VTA1: variants seen among roughly 807,000 people sequenced by gnomAD.
VTA1 encodes vesicle trafficking 1.
VTA1 carries 24 observed loss-of-function variants against 36.9 expected under a neutral mutation model. The observed-to-expected ratio is 0.65, with a 90% CI of 0.47 to 0.91. The LOEUF is 0.91. VTA1 is among the 40% of genes least tolerant of loss of function. The pLI is 0.00. For synonymous variants in VTA1, 142 were observed against 130.2 expected, an observed-to-expected ratio of 1.09 and a Z score of -0.62; for missense variants, 393 against 377.2, an observed-to-expected ratio of 1.04 and a Z score of -0.35.
chr6:142,199,748 A>G (rs1775643012), intron 6 of VTA1, among the ~76,000 whole-genome samples: 1 of 152,118 alleles, frequency 6.6e-6, no homozygotes, highest in Admixed American at 6.5e-5. Flanking sequence ...TGAAATGATA[A>G]TTTTAGCACT....
intron 1 of VTA1, among the ~76,000 whole-genome samples, chr6:142,152,792 A>C (rs1040823455): frequency 1.8e-4 from 28 of 152,138 alleles, no homozygotes; most frequent in African/African-American, 6.3e-4. Flanking sequence ...ATAATCTTAG[A>C]GCATATAATA....
Position 142,220,321 on chromosome 6 carries a change from T to C in VTA1, c.*1678T>C, listed in dbSNP as rs978623024. Reference sequence around the variant, plus strand: ...GCAAATTTTAATTCAAACCTTGATATGCCTGGACACTGAAAAGTAAACGCA... The same window carrying C: ...GCAAATTTTAATTCAAACCTTGATACGCCTGGACACTGAAAAGTAAACGCA... On this transcript the variant is annotated 3_prime_UTR_variant, in exon 8 of 8. Coordinates refer to ENST00000367630, the MANE Select transcript of VTA1 (RefSeq NM_016485.5). 6.6e-6 allele frequency: 1 copy of C among 152,200 alleles called. No homozygotes were observed. The highest frequency in any genetic ancestry group is 1.5e-5 in the Non-Finnish European group (1 of 68,036). 9.4% of individuals were successfully genotyped at this position (152,200 alleles called of 1,614,324 possible).
intron 5 of VTA1, among the ~76,000 whole-genome samples, chr6:142,196,980 T>C (rs967221192): frequency 4.6e-5 from 7 of 152,138 alleles, no homozygotes; most frequent in African/African-American, 2.4e-5. Flanking sequence ...TAGTTGGGGT[T>C]CATACAAACA....
chr6:142,190,621 A>G (rs569395429), intron 5 of VTA1, among the ~76,000 whole-genome samples: 20 of 152,360 alleles, frequency 1.3e-4, no homozygotes, highest in Admixed American at 1.1e-3. Flanking sequence ...ATAGATGGTT[A>G]TAAAGAGAAC....
At chr6:142,189,360 T>A in intron 4 of VTA1, 66 bp from the exon 5 acceptor site, 2 of 1,298,862 alleles carry the variant, frequency 1.5e-6, no homozygotes, top group South Asian at 2.6e-5. Context: ...ATATAGGTCA[T>A]CATAAATGTT....
chr6:142,206,836 G>T (rs1402489152), intron 7 of VTA1, among the ~76,000 whole-genome samples: 1 of 152,006 alleles, frequency 6.6e-6, no homozygotes, highest in Non-Finnish European at 1.5e-5. Flanking sequence ...GAACACCATT[G>T]AAAAAAGATA....
At chr6:142,159,704 A>T (rs943808686) in intron 1 of VTA1, among the ~76,000 whole-genome samples, 7 of 151,410 alleles carry the variant, frequency 4.6e-5, no homozygotes, top group African/African-American at 1.7e-4. Flanking sequence ...TAGTAGAGAC[A>T]GGGTTTCACC....
At position 142,221,822 on chromosome 6, in the gene VTA1, T is replaced by A. The variant is rs1354136096; in HGVS notation, c.*3179T>A. ...TATTAATAAATATATAATATATATA[T>A]TAGCCTGGCATGGTGGCACATACCT... On this transcript the variant is annotated 3_prime_UTR_variant, in exon 8 of 8. Coordinates refer to ENST00000367630, the MANE Select transcript of VTA1 (RefSeq NM_016485.5). 5 of 148,852 alleles carry A rather than the reference T, an allele frequency of 3.4e-5. No individual in the cohort carries two copies. Among genetic ancestry groups the A allele is most frequent in the African/African-American group, 1.2e-4 (5 of 40,876 alleles). The allele number at this position is 148,852 out of a possible 1,614,324, so 9.2% of individuals were successfully genotyped here. A position where few individuals can be genotyped will look rare whatever the true frequency, so the allele number is the denominator to read the frequency against.
intron 1 of VTA1, among the ~76,000 whole-genome samples, chr6:142,156,880 A>G (rs1202398826): frequency 6.6e-6 from 1 of 152,248 alleles, no homozygotes; most frequent in African/African-American, 2.4e-5. Context: ...CTACATGGAT[A>G]TTAGCATTAA....
At chr6:142,147,453 C>G (rs1778470892) in intron 1 of VTA1, 54 bp downstream of exon 1, 1 of 1,531,118 alleles carries the variant, frequency 6.5e-7, no homozygotes, top group Non-Finnish European at 8.9e-7. Context: ...TTTTAGGGCC[C>G]ACACACCTCC....
chr6:142,156,261 C>T (rs1358957643), intron 1 of VTA1, among the ~76,000 whole-genome samples: 1 of 151,916 alleles, frequency 6.6e-6, no homozygotes, highest in Non-Finnish European at 1.5e-5. Context: ...TTGGTAGTAG[C>T]TAGTAATTAG....
chr6:142,151,972 G>A lies in VTA1; in HGVS notation c.112+4573G>A, dbSNP rs1778576624. ...TTGCTTGAACCTGGAGGTGGAGGTTGCAGTGAGCTGAGATCGTGCAATTGC... is the reference window on the plus strand; with the variant it reads ...TTGCTTGAACCTGGAGGTGGAGGTTACAGTGAGCTGAGATCGTGCAATTGC... On this transcript the variant is annotated intron_variant, in intron 1 of 7. Transcript: ENST00000367630. Among the ~76,000 whole-genome samples the A allele has an allele frequency of 3.3e-5, 5 of 152,348 alleles. No homozygotes were observed. In the South Asian group the frequency reaches 1.0e-3, roughly 32 times the overall value.
chr6:142,211,617 A>G (rs1775905251), intron 7 of VTA1, among the ~76,000 whole-genome samples: 1 of 151,732 alleles, frequency 6.6e-6, no homozygotes, highest in South Asian at 2.1e-4. Flanking sequence ...AGGCTGAGGC[A>G]GGAGAATGGC....
chr6:142,177,403 A>T (rs532865361), intron 4 of VTA1, among the ~76,000 whole-genome samples: 1 of 152,332 alleles, frequency 6.6e-6, no homozygotes, highest in East Asian at 1.9e-4. Context: ...GAAAATTGTA[A>T]TACCTGTTTT....
chr6:142,222,604 T>C lies in VTA1; in HGVS notation c.*3961T>C, dbSNP rs149995514. On this transcript the variant is annotated 3_prime_UTR_variant, in exon 8 of 8. Coordinates refer to ENST00000367630, the MANE Select transcript of VTA1 (RefSeq NM_016485.5). ...TAAAGAAACACCCTAATAGCAGCATTGTACAAATATTTTCAACTCTAAAAG... is the reference window on the plus strand; with the variant it reads ...TAAAGAAACACCCTAATAGCAGCATCGTACAAATATTTTCAACTCTAAAAG... 1.6e-4 allele frequency: 24 copies of C among 152,366 alleles called. No individual in the cohort carries two copies. The highest frequency in any genetic ancestry group is 3.2e-4 in the Non-Finnish European group (22 of 68,040). The allele number at this position is 152,366 out of a possible 1,614,324, so 9.4% of individuals were successfully genotyped here. A position where few individuals can be genotyped will look rare whatever the true frequency, so the allele number is the denominator to read the frequency against.
At chr6:142,166,173 T>G (rs1229726176) in intron 1 of VTA1, 55 bp from the exon 2 acceptor site, 5 of 1,283,738 alleles carry the variant, frequency 3.9e-6, no homozygotes, top group Non-Finnish European at 5.5e-6. Flanking sequence ...TAAACACTCA[T>G]AAACATGGAT....
chr6:142,208,913 C>G (rs964716697), intron 7 of VTA1, among the ~76,000 whole-genome samples: 1 of 152,142 alleles, frequency 6.6e-6, no homozygotes, highest in Non-Finnish European at 1.5e-5. Flanking sequence ...AAAGAAAACA[C>G]TAATGTGCAG....
chr6:142,203,345 C>A (rs1775727031), intron 6 of VTA1, among the ~76,000 whole-genome samples: 1 of 151,974 alleles, frequency 6.6e-6, no homozygotes, highest in South Asian at 2.1e-4. Context: ...ATTTTATTTT[C>A]CTGCTGATTG....
At chr6:142,205,130 G>A (rs1397888143) in intron 7 of VTA1, among the ~76,000 whole-genome samples, 1 of 152,148 alleles carries the variant, frequency 6.6e-6, no homozygotes, top group Non-Finnish European at 1.5e-5. Flanking sequence ...TGGCCAATAA[G>A]CCTTCCTGCC....
Sources: gnomAD v4.1 joint callset for allele counts (sites outside exome capture counted in the v4.1 genomes callset) on GRCh38, gnomAD v4.1.1 for gene constraint, MANE v1.5 for transcripts, NCBI Gene and HGNC (gene_info 2026-07-23, HGNC 2026-07-21) for gene names.